GPR137B: variants seen among roughly 807,000 people sequenced by gnomAD.
The protein encoded by GPR137B is integral membrane protein GPR137B.
A neutral mutation model predicts 42.5 loss-of-function variants in GPR137B; 42 were observed. The ratio of observed to expected loss-of-function variants is 0.99; its 90% confidence interval spans 0.77 to 1.28. The LOEUF is 1.28. Among genes scored for constraint, GPR137B ranks in the 50% most tolerant of loss-of-function variants. GPR137B has a pLI of 0.00. For synonymous variants in GPR137B, 218 were observed against 209.7 expected (o/e 1.04, Z -0.34); for missense variants, 487 against 493.9 (o/e 0.99, Z 0.13).
At chr1:236,154,422 T>G (rs181741918) in intron 1 of GPR137B, among the ~76,000 whole-genome samples, 7 of 152,136 alleles carry the variant, frequency 4.6e-5, no homozygotes, top group African/African-American at 1.7e-4. Flanking sequence ...AGTCCCAGTT[T>G]TTTTCAGTAT....
intron 1 of GPR137B, among the ~76,000 whole-genome samples, chr1:236,162,459 G>A (rs1478635942): frequency 3.9e-5 from 6 of 152,214 alleles, no homozygotes; most frequent in Admixed American, 3.9e-4. Context: ...AAGTAGCAAA[G>A]AGCCTAACGT....
At chr1:236,190,971 G>C (rs1256353124) in intron 5 of GPR137B, among the ~76,000 whole-genome samples, 1 of 152,092 alleles carries the variant, frequency 6.6e-6, no homozygotes, top group East Asian at 1.9e-4. Flanking sequence ...ATCACTTTCA[G>C]GTACACCAAT....
chr1:236,149,805 T>C (rs547454506), intron 1 of GPR137B, among the ~76,000 whole-genome samples: 5 of 152,280 alleles, frequency 3.3e-5, no homozygotes, highest in African/African-American at 1.2e-4. Flanking sequence ...GCTAGCTCAG[T>C]GGGCTCATGG....
chr1:236,192,872 ATCATT>A (rs1483011756), intron 5 of GPR137B, among the ~76,000 whole-genome samples: 1 of 149,272 alleles, frequency 6.7e-6, no homozygotes, highest in Non-Finnish European at 1.5e-5. Flanking sequence ...TTTCCTTTTT[ATCATT>A]TCATTTCAAG....
At chr1:236,169,190 G>A (rs1238549145) in intron 2 of GPR137B, among the ~76,000 whole-genome samples, 3 of 142,718 alleles carry the variant, frequency 2.1e-5, no homozygotes, top group African/African-American at 6.1e-5. Context: ...GCAGGTGCAG[G>A]TGCAGGTGCA....
chr1:236,159,341 G>A (rs1483513191), intron 1 of GPR137B, among the ~76,000 whole-genome samples: 5 of 152,104 alleles, frequency 3.3e-5, no homozygotes, highest in Non-Finnish European at 5.9e-5. Context: ...CAGAAAGATT[G>A]TAAGACAGCA....
chr1:236,162,733 A>T (rs1365349117), intron 1 of GPR137B, among the ~76,000 whole-genome samples: 1 of 152,258 alleles, frequency 6.6e-6, no homozygotes, highest in Non-Finnish European at 1.5e-5. Context: ...GCAGGTGCAC[A>T]GAAGTCAAGG....
At chr1:236,178,344 A>G (rs1662750226) in intron 2 of GPR137B, 70 bp from the exon 3 acceptor site, 4 of 916,536 alleles carry the variant, frequency 4.4e-6, no homozygotes, top group Non-Finnish European at 5.4e-6. Flanking sequence ...CAGTTCACCA[A>G]AACACATCTC....
intron 1 of GPR137B, among the ~76,000 whole-genome samples, chr1:236,161,877 G>A (rs1263523244): frequency 6.6e-6 from 1 of 152,082 alleles, no homozygotes; most frequent in Non-Finnish European, 1.5e-5. Flanking sequence ...CTAGTCTCGG[G>A]TATGTCTTTA....
chr1:236,147,606 C>A (rs941900964), intron 1 of GPR137B, among the ~76,000 whole-genome samples: 52 of 152,302 alleles, frequency 3.4e-4, no homozygotes, highest in African/African-American at 1.3e-3. Flanking sequence ...GGCCCTCCCA[C>A]CTGTAAAAAT....
At chr1:236,190,587 A>G (rs1663165907) in intron 5 of GPR137B, among the ~76,000 whole-genome samples, 1 of 152,082 alleles carries the variant, frequency 6.6e-6, no homozygotes, top group Admixed American at 6.5e-5. Flanking sequence ...TCCTTTACTT[A>G]TGAAGCTTAG....
At chr1:236,164,992 C>T (rs1662310716) in intron 1 of GPR137B, among the ~76,000 whole-genome samples, 1 of 151,888 alleles carries the variant, frequency 6.6e-6, no homozygotes, top group Non-Finnish European at 1.5e-5. Flanking sequence ...GCAACCTTTG[C>T]CTCCCGGGTT....
intron 4 of GPR137B, 146 bp from the exon 5 acceptor site, chr1:236,183,632 T>G: frequency 3.8e-6 from 2 of 527,946 alleles, no homozygotes; most frequent in Non-Finnish European, 6.6e-6. Context: ...AGTATTAATA[T>G]AGTATATTCG....
intron 5 of GPR137B, among the ~76,000 whole-genome samples, chr1:236,203,672 T>A (rs1246136688): frequency 6.6e-6 from 1 of 152,220 alleles, no homozygotes; most frequent in Non-Finnish European, 1.5e-5. Flanking sequence ...TTTTCCATTT[T>A]TTGGTGTCCT....
intron 1 of GPR137B, among the ~76,000 whole-genome samples, chr1:236,151,358 A>G (rs536677467): frequency 6.6e-6 from 1 of 151,956 alleles, no homozygotes; most frequent in African/African-American, 2.4e-5. Flanking sequence ...TGATTACCTC[A>G]AGCTTATGTG....
intron 1 of GPR137B, among the ~76,000 whole-genome samples, chr1:236,143,962 T>C (rs1661609888): frequency 6.6e-6 from 1 of 152,126 alleles, no homozygotes; most frequent in Admixed American, 6.6e-5. Context: ...CACTAAGATG[T>C]CCATTTTCAC....
chr1:236,157,200 C>T (rs994699577), intron 1 of GPR137B, among the ~76,000 whole-genome samples: 19 of 151,078 alleles, frequency 1.3e-4, no homozygotes. Context: ...GATTCAACCC[C>T]AGGTAAGCCA....
chr1:236,178,898 C>T (rs755661774), intron 3 of GPR137B, among the ~76,000 whole-genome samples: 9 of 145,858 alleles, frequency 6.2e-5, no homozygotes, highest in African/African-American at 1.0e-4. Context: ...CCCAGGTTCA[C>T]GCCATTCTCC....
chr1:236,208,329 T>C lies in GPR137B; in HGVS notation c.*171T>C. The C allele has an allele frequency of 7.4e-7, 1 of 1,356,286 alleles. No individual in the cohort carries two copies. Among genetic ancestry groups the C allele is most frequent in the Non-Finnish European group, 9.5e-7 (1 of 1,053,058 alleles). The allele number at this position is 1,356,286 out of a possible 1,614,324, so 84.0% of individuals were successfully genotyped here. A position where few individuals can be genotyped will look rare whatever the true frequency, so the allele number is the denominator to read the frequency against. ...GCAATAATGTAGACTGATAAACCCT[T>C]ATTTTAGTACTAAAGAGGGAGCCTT... On this transcript the variant is annotated 3_prime_UTR_variant, in exon 7 of 7. Transcript: ENST00000366592.
Sources: allele counts gnomAD v4.1 joint callset (sites outside exome capture counted in the v4.1 genomes callset), GRCh38; gene constraint gnomAD v4.1.1; transcripts MANE v1.5; gene names NCBI Gene and HGNC (gene_info 2026-07-23, HGNC 2026-07-21).